EHMT1: variants seen among roughly 807,000 people sequenced by gnomAD.
EHMT1 encodes the protein histone-lysine N-methyltransferase EHMT1.
Under a neutral mutation model 147.2 loss-of-function variants are expected in EHMT1, and 15 were observed. The ratio of observed to expected loss-of-function variants is 0.10; its 90% CI spans 0.07 to 0.16. The LOEUF is 0.16. Ranked by LOEUF, EHMT1 falls within the 10% of genes least tolerant of loss-of-function variation. The pLI is 1.00. For synonymous variants in EHMT1, 795 were observed against 709.6 expected (o/e 1.12, Z -1.91); for missense variants, 1,587 against 1,772.4 (o/e 0.90, Z 1.88).
At chr9:137,797,210 G>A (rs1470463161) in intron 16 of EHMT1, among the ~76,000 whole-genome samples, 2 of 152,158 alleles carry the variant, frequency 1.3e-5, no homozygotes, top group African/African-American at 2.4e-5. Context: ...TTGTGTGCCT[G>A]CAGACCTCAC....
intron 1 of EHMT1, among the ~76,000 whole-genome samples, chr9:137,627,106 G>A (rs530778558): frequency 6.6e-6 from 1 of 152,150 alleles, no homozygotes; most frequent in African/African-American, 2.4e-5. Flanking sequence ...TTATAGGCGT[G>A]CGCCACCACG....
intron 1 of EHMT1, among the ~76,000 whole-genome samples, chr9:137,671,617 C>T (rs942756956): frequency 6.7e-6 from 1 of 148,918 alleles, no homozygotes; most frequent in Non-Finnish European, 1.5e-5. Flanking sequence ...CTCTGCCTCT[C>T]GGGCTCAAGC....
intron 1 of EHMT1, among the ~76,000 whole-genome samples, chr9:137,658,039 G>A (rs946970653): frequency 6.6e-6 from 1 of 152,166 alleles, no homozygotes; most frequent in Non-Finnish European, 1.5e-5. Flanking sequence ...AGTTGTGGAT[G>A]ATGGGATCTC....
chr9:137,734,465 A>C (rs1025574635), intron 4 of EHMT1, among the ~76,000 whole-genome samples: 3 of 152,210 alleles, frequency 2.0e-5, no homozygotes, highest in Non-Finnish European at 2.9e-5. Flanking sequence ...ACAAGACTGA[A>C]GGGAAGTGAG....
rs774921741 is a variant in EHMT1, at chr9:137,782,328, G to C, written c.2313G>C (p.Gln771His). 4 of 1,613,646 alleles carry C rather than the reference G, an allele frequency of 2.5e-6. No homozygotes were observed. The highest frequency in any genetic ancestry group is 3.4e-6 in the Non-Finnish European group (4 of 1,179,958). Residue 771 changes from glutamine to histidine, a missense_variant, in exon 15 of 27, where the codon CAG (glutamine) becomes CAC (histidine). Gln to His is a conservative substitution (Grantham distance 24). Transcript: ENST00000460843. This position sits in a 1 kb window ranked among gnomAD's most constrained non-coding sequence, Gnocchi z 5.7. ...ACCCCAACTTCAAAATGGAGCACCA[G>C]AATAAGCGCTCTCCACTGCACGCCG... ...GIDPNFKMEH[Q>H]NKRSPLHAAA...
chr9:137,648,406 G>A (rs889474279), intron 1 of EHMT1, among the ~76,000 whole-genome samples: 5 of 149,742 alleles, frequency 3.3e-5, no homozygotes, highest in African/African-American at 1.2e-4. Context: ...TGTAATCCCA[G>A]TACTTTGGGA....
chr9:137,805,041 AGTC>A (rs753916584), intron 18 of EHMT1, among the ~76,000 whole-genome samples: 5 of 151,120 alleles, frequency 3.3e-5, no homozygotes, highest in East Asian at 1.9e-4. Context: ...CATGTCTGTC[AGTC>A]GTCCACATGT....
chr9:137,640,033 C>T (rs1589080342), intron 1 of EHMT1, among the ~76,000 whole-genome samples: 1 of 152,034 alleles, frequency 6.6e-6, no homozygotes, highest in Admixed American at 6.6e-5. Flanking sequence ...CTCCCGGGTT[C>T]GAGTGATTGT....
In EHMT1 at chr9:137,716,640, G is replaced by A. The variant is rs761039277; in HGVS notation, c.100G>A (p.Ala34Thr). The stretch of plus-strand genomic sequence containing the variant: ...TTTGTTGGCAGAGACACCTATGGCT[G>A]CCGATGAAGGCTCAGCAGAGAAACA... ...ELLGEETPMA[A>T]DEGSAEKQAG... Residue 34 changes from alanine (A) to threonine (T), a missense_variant, in exon 3 of 27, where the codon GCC (alanine) becomes ACC (threonine). Ala to Thr is a moderately conservative substitution (Grantham distance 58). This residue lies in a region of EHMT1 where 810 missense variants were observed against 673.0 expected (regional missense o/e 1.20). Transcript: ENST00000460843. The A allele has an allele frequency of 9.5e-6, 15 of 1,571,684 alleles. No individual in the cohort carries two copies. The highest frequency in any genetic ancestry group is 1.3e-5 in the Non-Finnish European group (15 of 1,156,812).
At chr9:137,816,247 G>A (rs1183673355) in intron 23 of EHMT1, 185 bp downstream of exon 23, 5 of 658,894 alleles carry the variant, frequency 7.6e-6, no homozygotes, top group Admixed American at 4.2e-5. Context: ...CATAAATCAC[G>A]AGTCATGCTT....
chr9:137,789,260 A>G (rs1277588879), intron 15 of EHMT1: 1 of 152,360 alleles, frequency 6.6e-6, no homozygotes, highest in Non-Finnish European at 1.5e-5. Flanking sequence ...CTGCCCTTGC[A>G]CACTCGGGTC....
chr9:137,803,310 G>A (rs1953657114), intron 18 of EHMT1: 1 of 995,822 alleles, frequency 1.0e-6, no homozygotes, highest in Non-Finnish European at 1.2e-6. Flanking sequence ...GTTGCTGTCG[G>A]AAGAGTGAGC....
At chr9:137,621,205 CCT>C (rs1435519220) in intron 1 of EHMT1, among the ~76,000 whole-genome samples, 1 of 152,020 alleles carries the variant, frequency 6.6e-6, no homozygotes, top group Non-Finnish European at 1.5e-5. Context: ...TGAGGGAGCC[CCT>C]GTGTGTAGCG....
Position 137,775,766 on chromosome 9 carries a change from C to A in EHMT1, c.1791+514C>A, listed in dbSNP as rs548449533. On this transcript the variant is annotated intron_variant, in intron 11 of 26. Coordinates refer to ENST00000460843, the MANE Select transcript of EHMT1 (RefSeq NM_024757.5). This position sits in a 1 kb window ranked among gnomAD's most constrained non-coding sequence, Gnocchi z 6.1. ...TGCCCTGGGCTGTTTCTGCTGGGAT[C>A]TTGGGTCATCAGTTACTTCAATGTC... Among the ~76,000 whole-genome samples the A allele has an allele frequency of 6.6e-6, 1 of 152,108 alleles. No individual in the cohort carries two copies. The highest frequency in any genetic ancestry group is 2.1e-4 in the South Asian group (1 of 4,820).
intron 1 of EHMT1, among the ~76,000 whole-genome samples, chr9:137,635,787 T>A (rs1844016359): frequency 6.6e-6 from 1 of 151,532 alleles, no homozygotes; most frequent in Non-Finnish European, 1.5e-5. Flanking sequence ...GCCACTGCTC[T>A]CCAGCCTGGG....
At chr9:137,692,421 C>T (rs1315174606) in intron 1 of EHMT1, among the ~76,000 whole-genome samples, 7 of 151,820 alleles carry the variant, frequency 4.6e-5, no homozygotes, top group Middle Eastern at 3.4e-3. Flanking sequence ...TGCACCACCG[C>T]GCCGGGCTAG....
At chr9:137,660,432 C>T (rs970652335) in intron 1 of EHMT1, among the ~76,000 whole-genome samples, 2 of 152,186 alleles carry the variant, frequency 1.3e-5, no homozygotes, top group African/African-American at 2.4e-5. Context: ...CCTGTCATAC[C>T]GTATCCCACA....
At chr9:137,676,750 T>G (rs887436839) in intron 1 of EHMT1, among the ~76,000 whole-genome samples, 1 of 152,094 alleles carries the variant, frequency 6.6e-6, no homozygotes, top group East Asian at 1.9e-4. Flanking sequence ...ACATGCGCAC[T>G]GGGGGAAGTG....
intron 6 of EHMT1, among the ~76,000 whole-genome samples, chr9:137,750,065 T>G (rs959425798): frequency 1.3e-5 from 2 of 152,218 alleles, no homozygotes; most frequent in South Asian, 2.1e-4. Flanking sequence ...AAGAGTTTGC[T>G]GAGAATATAC....
Sources: allele counts gnomAD v4.1 joint callset (sites outside exome capture counted in the v4.1 genomes callset), GRCh38; gene constraint gnomAD v4.1.1; regional missense constraint gnomAD v4.1.1; non-coding constraint Gnocchi (gnomAD v3.1); transcripts MANE v1.5; gene names NCBI Gene and HGNC (gene_info 2026-07-23, HGNC 2026-07-21).